The following PDE3B variants were observed in gnomAD, a reference collection of about 807,000 sequenced individuals.
PDE3B encodes cGMP-inhibited 3',5'-cyclic phosphodiesterase 3B.
A neutral mutation model predicts 116.8 loss-of-function variants in PDE3B; 66 were observed. That is an observed-to-expected ratio of 0.56 (90% CI 0.46 to 0.69). The LOEUF is 0.69. Ranked by LOEUF, PDE3B falls within the 30% of genes least tolerant of loss-of-function variation. PDE3B has a pLI of 0.00. For synonymous variants in PDE3B, 595 were observed against 533.6 expected (o/e 1.12, Z -1.59); for missense variants, 1,384 against 1,368.1 (o/e 1.01, Z -0.18).
At chr11:14,883,529 T>C in the PDE3B span, among the ~76,000 whole-genome samples, 3 of 151,314 alleles carry the variant, frequency 2.0e-5, no homozygotes, top group African/African-American at 4.8e-5. Flanking sequence ...ATACAAAAAT[T>C]AATTCAAGAT....
chr11:14,705,859 G>T (rs1855516628), intron 1 of PDE3B, among the ~76,000 whole-genome samples: 1 of 151,760 alleles, frequency 6.6e-6, no homozygotes, highest in African/African-American at 2.4e-5. Context: ...TTATGTTACA[G>T]TTACTTTCTG....
At chr11:14,835,309 A>G (rs1029837128) in intron 11 of PDE3B, among the ~76,000 whole-genome samples, 17 of 152,212 alleles carry the variant, frequency 1.1e-4, no homozygotes, top group African/African-American at 4.1e-4. Context: ...CCTGATACCC[A>G]TCTTAAAGAT....
At chr11:14,674,068 T>C (rs1224229200) in intron 1 of PDE3B, 6 of 1,531,312 alleles carry the variant, frequency 3.9e-6, no homozygotes, top group Non-Finnish European at 5.4e-6. Context: ...CAGTTTTAGC[T>C]CTTCAGGAAG....
intron 1 of PDE3B, among the ~76,000 whole-genome samples, chr11:14,708,248 A>C (rs927364919): frequency 2.0e-5 from 3 of 151,932 alleles, no homozygotes; most frequent in African/African-American, 4.8e-5. Context: ...CATGTGGTCT[A>C]TGCACACTGG....
intron 11 of PDE3B, among the ~76,000 whole-genome samples, chr11:14,836,399 A>C (rs1590182748): frequency 6.6e-6 from 1 of 152,070 alleles, no homozygotes; most frequent in African/African-American, 2.4e-5. Flanking sequence ...GTACTCATGT[A>C]ATTTTTTTTT....
At chr11:14,681,160 CA>C (rs1166817727) in intron 1 of PDE3B, among the ~76,000 whole-genome samples, 4 of 152,266 alleles carry the variant, frequency 2.6e-5, no homozygotes, top group Non-Finnish European at 5.9e-5. Context: ...ATATTTTTAT[CA>C]GTTGAAAGCA....
chr11:14,806,249 G>A (rs1363381632), intron 5 of PDE3B, among the ~76,000 whole-genome samples: 1 of 150,136 alleles, frequency 6.7e-6, no homozygotes. Context: ...TCAGGAGATC[G>A]AGACCATGGT....
chr11:14,715,013 A>G (rs1855834973), intron 1 of PDE3B, among the ~76,000 whole-genome samples: 1 of 152,184 alleles, frequency 6.6e-6, no homozygotes, highest in Admixed American at 6.5e-5. Flanking sequence ...ATTCTTCAGT[A>G]AAATTAGGTA....
At chr11:14,759,325 A>G (rs1338117195) in intron 1 of PDE3B, among the ~76,000 whole-genome samples, 30 of 152,014 alleles carry the variant, frequency 2.0e-4, no homozygotes, top group Admixed American at 2.0e-3. Context: ...TATTGACTGG[A>G]ATAGTTTCAG....
intron 12 of PDE3B, among the ~76,000 whole-genome samples, chr11:14,849,556 C>T (rs372160013): frequency 6.6e-6 from 1 of 152,104 alleles, no homozygotes; most frequent in South Asian, 2.1e-4. Context: ...AGGCAACCTA[C>T]AAAATGGGAG....
chr11:14,737,177 G>A (rs1856623231), intron 1 of PDE3B, among the ~76,000 whole-genome samples: 1 of 150,334 alleles, frequency 6.7e-6, no homozygotes, highest in African/African-American at 2.5e-5. Flanking sequence ...AATAGCTAGA[G>A]AGAGACCAAC....
chr11:14,848,958 ACTTT>A (rs1847676577), intron 12 of PDE3B, among the ~76,000 whole-genome samples: 1 of 152,186 alleles, frequency 6.6e-6, no homozygotes, highest in Admixed American at 6.5e-5. Flanking sequence ...GCTACCAATG[ACTTT>A]CTTCCCAGAA....
intron 1 of PDE3B, among the ~76,000 whole-genome samples, chr11:14,660,619 A>G (rs987684884): frequency 6.6e-6 from 1 of 151,934 alleles, no homozygotes; most frequent in Non-Finnish European, 1.5e-5. Context: ...TAATATTCTA[A>G]TACTAGAATA....
chr11:14,808,921 G>A (rs1325648756), intron 5 of PDE3B, among the ~76,000 whole-genome samples: 1 of 152,098 alleles, frequency 6.6e-6, no homozygotes, highest in Non-Finnish European at 1.5e-5. Context: ...ATATTATTAA[G>A]ATGGCAATAT....
intron 3 of PDE3B, among the ~76,000 whole-genome samples, chr11:14,788,382 C>A (rs1347419127): frequency 6.6e-6 from 1 of 151,920 alleles, no homozygotes; most frequent in Non-Finnish European, 1.5e-5. Context: ...CACTGCAGGT[C>A]TAATTAACTA....
At chr11:14,674,908 G>T (rs912758649) in intron 1 of PDE3B, among the ~76,000 whole-genome samples, 6 of 152,110 alleles carry the variant, frequency 3.9e-5, no homozygotes, top group African/African-American at 1.4e-4. Flanking sequence ...TTTAGGTAAG[G>T]CAGGACTACT....
chr11:14,700,478 C>G (rs1478221897), intron 1 of PDE3B, among the ~76,000 whole-genome samples: 1 of 151,714 alleles, frequency 6.6e-6, no homozygotes, highest in Non-Finnish European at 1.5e-5. Context: ...ACTGTTAATT[C>G]TTTGCTTAAA....
chr11:14,850,376 A>G (rs1415876850), intron 12 of PDE3B, among the ~76,000 whole-genome samples: 3 of 152,178 alleles, frequency 2.0e-5, no homozygotes, highest in Non-Finnish European at 2.9e-5. Context: ...TTTAGGAGAT[A>G]TACCTAATGC....
chr11:14,869,076 A>G (rs553861761), intron 15 of PDE3B, among the ~76,000 whole-genome samples: 30 of 152,184 alleles, frequency 2.0e-4, no homozygotes, highest in Admixed American at 3.9e-4. Flanking sequence ...AATTCAATAC[A>G]TAAGAATGCC....
Sources: gnomAD v4.1 joint callset for allele counts (sites outside exome capture counted in the v4.1 genomes callset) on GRCh38, gnomAD v4.1.1 for gene constraint, MANE v1.5 for transcripts, NCBI Gene and HGNC (gene_info 2026-07-23, HGNC 2026-07-21) for gene names.